CSMD2: variants seen among roughly 807,000 people sequenced by gnomAD.
CSMD2 encodes the protein CUB and sushi domain-containing protein 2.
A neutral mutation model predicts 398.5 loss-of-function variants in CSMD2; 130 were observed. That is an observed-to-expected ratio of 0.33 (90% confidence interval 0.28 to 0.38). The LOEUF (loss-of-function observed/expected upper bound fraction) is 0.38. Among genes scored for constraint, CSMD2 ranks in the 10% least tolerant of loss-of-function variants. The probability of loss-of-function intolerance (pLI) is 1.00; values close to 1 mark genes in which losing one functional copy is unlikely to be tolerated. For synonymous variants in CSMD2, 1,828 were observed against 1,908.5 expected, an observed-to-expected ratio of 0.96 and a Z score of 1.10; for missense variants, 3,829 against 4,764.9, an observed-to-expected ratio of 0.80 and a Z score of 5.78.
At chr1:33,553,238 C>T (rs1054158181) in intron 55 of CSMD2, among the ~76,000 whole-genome samples, 14 of 152,138 alleles carry the variant, frequency 9.2e-5, no homozygotes, top group Non-Finnish European at 1.3e-4. Context: ...CCCAATAATA[C>T]GTGCTCACTT....
chr1:34,051,925 C>T (rs1653215488), intron 2 of CSMD2, among the ~76,000 whole-genome samples: 1 of 152,040 alleles, frequency 6.6e-6, no homozygotes, highest in Non-Finnish European at 1.5e-5. Flanking sequence ...CAGTAGACTG[C>T]CCTCACTAAT....
chr1:33,685,643 C>T (rs1645041464), intron 25 of CSMD2, among the ~76,000 whole-genome samples: 1 of 152,166 alleles, frequency 6.6e-6, no homozygotes, highest in East Asian at 1.9e-4. Flanking sequence ...AGTGAGTGCC[C>T]TTTCGTGGCC....
chr1:33,636,602 A>C lies in CSMD2; in HGVS notation c.4775-48T>G, dbSNP rs1411939793. On this transcript the variant is annotated intron_variant, in intron 29 of 70. Coordinates refer to ENST00000373381, the MANE Select transcript of CSMD2 (RefSeq NM_001281956.2). The surrounding 1 kb of genome is among the most constrained non-coding windows in gnomAD (Gnocchi z 4.8). ...CGTGCACACACACAGAGGGCTCATG[A>C]GGAGGCTATTCTTGGGCTCCAGTGC... 4 of 1,549,864 alleles carry C rather than the reference A, an allele frequency of 2.6e-6. No homozygotes were observed. Among genetic ancestry groups the C allele is most frequent in the Non-Finnish European group, 3.5e-6 (4 of 1,127,738 alleles).
chr1:34,016,043 GTA>G (rs921338955), intron 3 of CSMD2, among the ~76,000 whole-genome samples: 3 of 149,732 alleles, frequency 2.0e-5, no homozygotes, highest in Admixed American at 6.7e-5. Flanking sequence ...GTGTGTGTGT[GTA>G]TGTGTGTATT....
intron 40 of CSMD2, among the ~76,000 whole-genome samples, chr1:33,612,200 C>T (rs2148841330): frequency 6.6e-6 from 1 of 152,302 alleles, no homozygotes; most frequent in African/African-American, 2.4e-5. Flanking sequence ...GTGATTATCG[C>T]TGCACGATGA....
At chr1:34,162,091 G>A (rs1325282755) in intron 1 of CSMD2, among the ~76,000 whole-genome samples, 1 of 148,756 alleles carries the variant, frequency 6.7e-6, no homozygotes, top group Non-Finnish European at 1.5e-5. Flanking sequence ...AGAATCACTT[G>A]AACCCGGGAG....
At position 33,663,001 on chromosome 1, in the gene CSMD2, G is replaced by T; in HGVS notation, c.4144C>A (p.Leu1382Met). 1.2e-6 allele frequency: 2 copies of T among 1,614,166 alleles called. No homozygotes were observed. Among genetic ancestry groups the T allele is most frequent in the Non-Finnish European group, 1.7e-6 (2 of 1,180,006 alleles). The change falls in exon 26 of 71, where the codon CTG becomes ATG. Residue 1382 changes from leucine to methionine, a missense_variant. Leu to Met is a conservative substitution (Grantham distance 15, BLOSUM62 2). Coordinates refer to ENST00000373381, the MANE Select transcript of CSMD2 (RefSeq NM_001281956.2). ...PVESGVLLKE[L>M]SGPALPKDLH... Reference sequence around the variant, plus strand: ...TCCTTGGGCAGGGCCGGGCCACTCAGCTCCTTCAGCAGAACCCCGCTCTCC... The same window carrying T: ...TCCTTGGGCAGGGCCGGGCCACTCATCTCCTTCAGCAGAACCCCGCTCTCC...
At chr1:33,734,610 C>A (rs2149231812) in intron 15 of CSMD2, among the ~76,000 whole-genome samples, 1 of 152,070 alleles carries the variant, frequency 6.6e-6, no homozygotes, top group East Asian at 1.9e-4. Flanking sequence ...CATAGTGAAA[C>A]CCCGTCTCTA....
intron 56 of CSMD2, among the ~76,000 whole-genome samples, chr1:33,547,642 T>C (rs2794591): frequency 0.77 from 117,873 of 152,226 alleles, 46,005 homozygotes; most frequent in African/African-American, 0.84. Flanking sequence ...TGTTTCCCAC[T>C]GTGGAAGAGG....
chr1:33,968,254 G>A (rs751342175), intron 3 of CSMD2, among the ~76,000 whole-genome samples: 9 of 152,144 alleles, frequency 5.9e-5, no homozygotes, highest in Non-Finnish European at 8.8e-5. Context: ...GCTGGGGTGA[G>A]TCTTAAGCCC....
intron 3 of CSMD2, among the ~76,000 whole-genome samples, chr1:34,030,631 C>T (rs753992095): frequency 3.7e-4 from 56 of 152,166 alleles, no homozygotes; most frequent in Admixed American, 5.9e-4. Context: ...TCTGTTTTCA[C>T]GGGACTCTGA....
intron 5 of CSMD2, chr1:33,864,811 T>A: frequency 7.0e-7 from 1 of 1,425,396 alleles, no homozygotes; most frequent in African/African-American, 1.4e-5. Context: ...CCTGGTCTCA[T>A]GTGTGGCATT....
In CSMD2 at chr1:33,714,664, C is replaced by T. The variant is rs201582245; in HGVS notation, c.3329G>A (p.Arg1110His). Reference protein sequence around the residue: ...TLTFSCFPGYRLEGTARITCL... With the variant: ...TLTFSCFPGYHLEGTARITCL... ...CGTGATGCGGGCGGTGCCCTCCAGA[C>T]GGTACCCGGGGAAGCAGGAGAAGGT... Residue 1110 changes from arginine (R) to histidine (H), a missense_variant, in exon 21 of 71, where the codon CGT becomes CAT. Arg to His is a conservative substitution (Grantham distance 29, BLOSUM62 0). This residue lies in a region of CSMD2 where 2,001 missense variants were observed against 2,567.1 expected (regional missense o/e 0.78). Coordinates refer to ENST00000373381, the MANE Select transcript of CSMD2 (RefSeq NM_001281956.2). 63 of 1,613,990 alleles carry T rather than the reference C, an allele frequency of 3.9e-5. No individual in the cohort carries two copies. The highest frequency in any genetic ancestry group is 1.6e-4 in the East Asian group (7 of 44,880).
At chr1:33,825,887 G>T in intron 6 of CSMD2, 113 bp from the exon 7 acceptor site, 1 of 812,660 alleles carries the variant, frequency 1.2e-6, no homozygotes, top group Non-Finnish European at 2.0e-6. Flanking sequence ...GTGGGTCAAA[G>T]CCAGGAACTT....
At chr1:33,948,221 G>A (rs1029809915) in intron 3 of CSMD2, among the ~76,000 whole-genome samples, 1 of 152,220 alleles carries the variant, frequency 6.6e-6, no homozygotes, top group African/African-American at 2.4e-5. Flanking sequence ...CTTCTCCAAA[G>A]GCTTCATGGA....
chr1:34,110,040 C>CAAAAAA (rs57314887), intron 1 of CSMD2, among the ~76,000 whole-genome samples: 2 of 63,404 alleles, frequency 3.2e-5, no homozygotes, highest in African/African-American at 6.5e-5. Context: ...GACTCTGTCT[C>CAAAAAA]AAAAAAAAAA....
Position 33,964,076 on chromosome 1 carries a change from G to A in CSMD2, c.518-28122C>T, listed in dbSNP as rs535377185. ...TCCCTGAGGGTGCAGATTTTTAAAA[G>A]ATCCTTGGGTGGTTCTAATGTGGGG... On this transcript the variant is annotated intron_variant, in intron 3 of 70. Coordinates refer to ENST00000373381, the MANE Select transcript of CSMD2 (RefSeq NM_001281956.2). Among the ~76,000 whole-genome samples, 88 of 152,264 alleles carry A rather than the reference G, an allele frequency of 5.8e-4. 1 individual carries two copies. The highest frequency in any genetic ancestry group is 1.9e-3 in the African/African-American group (79 of 41,556).
intron 3 of CSMD2, among the ~76,000 whole-genome samples, chr1:34,006,187 G>A (rs139245691): frequency 2.6e-5 from 4 of 152,254 alleles, no homozygotes; most frequent in African/African-American, 7.2e-5. Context: ...CAAATACAAA[G>A]CCAAGGTGCC....
chr1:33,908,330 G>A (rs1469138559), intron 5 of CSMD2, among the ~76,000 whole-genome samples: 1 of 152,212 alleles, frequency 6.6e-6, no homozygotes, highest in Non-Finnish European at 1.5e-5. Context: ...CATCATTCCA[G>A]AAGACAGGTC....
Sources: gnomAD v4.1 joint callset for allele counts (sites outside exome capture counted in the v4.1 genomes callset) on GRCh38, gnomAD v4.1.1 for gene constraint, gnomAD v4.1.1 regional missense constraint, Gnocchi (gnomAD v3.1) non-coding constraint, MANE v1.5 for transcripts, NCBI Gene and HGNC (gene_info 2026-07-23, HGNC 2026-07-21) for gene names.